SLC5A12: variants seen among roughly 807,000 people sequenced by gnomAD.
The protein encoded by SLC5A12 is solute carrier family 5 member 12, also known as sodium-coupled monocarboxylate transporter 2.
In SLC5A12, 46 loss-of-function variants were observed where a neutral mutation model predicts 72.7. That is an observed-to-expected ratio of 0.63 (90% CI 0.50 to 0.81). The LOEUF (loss-of-function observed/expected upper bound fraction) is 0.81. Among genes scored for constraint, SLC5A12 ranks in the 30% least tolerant of loss-of-function variants. SLC5A12 has a pLI of 0.00. For synonymous variants in SLC5A12, 275 were observed against 264.4 expected (o/e 1.04, Z -0.39); for missense variants, 683 against 740.7 (o/e 0.92, Z 0.90).
At chr11:26,690,659 A>C (rs1285916444) in intron 9 of SLC5A12, among the ~76,000 whole-genome samples, 1 of 149,868 alleles carries the variant, frequency 6.7e-6, no homozygotes, top group East Asian at 1.9e-4. Flanking sequence ...AAAAAAAAAA[A>C]AAAAAAAAAT....
At chr11:26,675,161 G>C in intron 13 of SLC5A12, among the ~76,000 whole-genome samples, 1 of 152,236 alleles carries the variant, frequency 6.6e-6, no homozygotes, top group Non-Finnish European at 1.5e-5. Flanking sequence ...GTCTCTGAAT[G>C]AACCACAAAA....
chr11:26,671,208 G>T lies in SLC5A12; in HGVS notation c.1751C>A (p.Ser584Tyr). 1 of 1,608,094 alleles carries T rather than the reference G, an allele frequency of 6.2e-7. No homozygotes were observed. Among genetic ancestry groups the T allele is most frequent in the Non-Finnish European group, 8.5e-7 (1 of 1,177,286 alleles). Residue 584 changes from serine (S) to tyrosine (Y), a missense_variant, in exon 15 of 15, where the codon TCT becomes TAT. Physicochemically the swap from Ser to Tyr is moderately radical, Grantham distance 144 (BLOSUM62 -2). Transcript: ENST00000396005. ...NGSARKQGAESVLQNGLRRES... is the reference protein window; with the variant it reads ...NGSARKQGAEYVLQNGLRRES... ...TCTTCTGAGTCCGTTCTGTAAGACA[G>T]ATTCAGCCCCCTGTTTCCGGGCACT... is the stretch of plus-strand genomic sequence containing the variant.
chr11:26,681,233 A>G lies in SLC5A12; in HGVS notation c.1309-12T>C, dbSNP rs1490411642. The G allele has an allele frequency of 2.6e-6, 4 of 1,558,414 alleles. No homozygotes were observed. Among genetic ancestry groups the G allele is most frequent in the Non-Finnish European group, 3.5e-6 (4 of 1,153,920 alleles). On this transcript the variant is annotated splice_polypyrimidine_tract_variant and intron_variant, in intron 11 of 14. Coordinates refer to ENST00000396005, the MANE Select transcript of SLC5A12 (RefSeq NM_178498.4). ...CCTCCTAGTGCACCCTGGATGAAGA[A>G]GAAAAAGGTTAATGGGAAATTTGGC...
chr11:26,707,018 C>G (rs940248613), intron 4 of SLC5A12, among the ~76,000 whole-genome samples: 8 of 151,814 alleles, frequency 5.3e-5, no homozygotes, highest in African/African-American at 1.9e-4. Flanking sequence ...AGTATCTCCT[C>G]TAGATTTTTC....
At chr11:26,681,349 A>G in intron 11 of SLC5A12, 128 bp from the exon 12 acceptor site, 1 of 718,804 alleles carries the variant, frequency 1.4e-6, no homozygotes, top group South Asian at 3.2e-5. Flanking sequence ...CATATTTCAG[A>G]AACACTCTGC....
intron 13 of SLC5A12, among the ~76,000 whole-genome samples, chr11:26,674,003 T>C (rs1040401781): frequency 2.0e-5 from 3 of 152,130 alleles, no homozygotes; most frequent in African/African-American, 7.2e-5. Context: ...TACCCTCATG[T>C]TCCTCCCAGG....
intron 6 of SLC5A12, 21 bp downstream of exon 6, chr11:26,703,510 T>A (rs906273139): frequency 5.0e-6 from 8 of 1,610,860 alleles, no homozygotes; most frequent in Non-Finnish European, 6.8e-6. Context: ...ACATTAAAAT[T>A]TTTCTTGACT....
chr11:26,714,606 T>C (rs1342108081), intron 1 of SLC5A12, among the ~76,000 whole-genome samples: 1 of 152,190 alleles, frequency 6.6e-6, no homozygotes, highest in East Asian at 1.9e-4. Context: ...ATCAATTGGC[T>C]TGAGGATTAA....
At chr11:26,711,563 T>C (rs1209196979) in intron 2 of SLC5A12, among the ~76,000 whole-genome samples, 1 of 151,958 alleles carries the variant, frequency 6.6e-6, no homozygotes. Context: ...AGGAAGAGAG[T>C]TGGATTTTCA....
chr11:26,722,498 C>A (rs1855501569), upstream of SLC5A12, among the ~76,000 whole-genome samples: 1 of 152,132 alleles, frequency 6.6e-6, no homozygotes, highest in South Asian at 2.1e-4. Flanking sequence ...ATAATATGTA[C>A]CCCATTGGCT....
At chr11:26,723,072 A>G (rs1426395572), upstream of SLC5A12, among the ~76,000 whole-genome samples, 5 of 152,018 alleles carry the variant, frequency 3.3e-5, no homozygotes, top group Non-Finnish European at 7.4e-5. Flanking sequence ...GCTCTAGTCC[A>G]TATACCCAAT....
At chr11:26,697,926 T>C (rs1025636913) in intron 7 of SLC5A12, among the ~76,000 whole-genome samples, 3 of 128,672 alleles carry the variant, frequency 2.3e-5, no homozygotes, top group Admixed American at 1.9e-4. Flanking sequence ...AGACGGAGTC[T>C]CACTCTTGTC....
rs1854123195 is a variant in SLC5A12 at position 26,670,878 on chromosome 11, A to T, written c.*224T>A. 5.4e-6 allele frequency: 2 copies of T among 372,628 alleles called. No individual in the cohort carries two copies. The highest frequency in any genetic ancestry group is 8.3e-5 in the East Asian group (2 of 23,962). 23.1% of individuals were successfully genotyped at this position (372,628 alleles called of 1,614,324 possible). A position where few individuals can be genotyped will look rare whatever the true frequency, so the allele number is the denominator to read the frequency against. ...GAAGGAAGTAGTCAAGGGCATTTGG[A>T]GCAGGTTGGTTTTTCTCTGTGAAAG... On this transcript the variant is annotated 3_prime_UTR_variant, in exon 15 of 15. Coordinates refer to ENST00000396005, the MANE Select transcript of SLC5A12 (RefSeq NM_178498.4).
At chr11:26,713,898 G>A (rs1855288807) in intron 1 of SLC5A12, among the ~76,000 whole-genome samples, 1 of 152,060 alleles carries the variant, frequency 6.6e-6, no homozygotes, top group African/African-American at 2.4e-5. Context: ...GTGGCTGCTG[G>A]CAGTCCTTAG....
chr11:26,669,187 T>TTTTCTTTTTCTTTCTTTCGTTCTTTC lies in SLC5A12; in HGVS notation c.*1914_*1915insGAAAGAACGAAAGAAAGAAAAAGAAA, dbSNP rs1554988602. On this transcript the variant is annotated 3_prime_UTR_variant, in exon 15 of 15. Transcript: ENST00000396005. Reference sequence around the variant, plus strand: ...TGTCTTTTTCTTTCTTTCTTTCTTCTTTTCTTTCTTTCTTTCTTTCTTTCT... The same window carrying TTTTCTTTTTCTTTCTTTCGTTCTTTC: ...TGTCTTTTTCTTTCTTTCTTTCTTCTTTTCTTTTTCTTTCTTTCGTTCTTTCTTTCTTTCTTTCTTTCTTTCTTTCT... 1 of 110,942 alleles carries TTTTCTTTTTCTTTCTTTCGTTCTTTC rather than the reference T, an allele frequency of 9.0e-6. No homozygotes were observed. The highest frequency in any genetic ancestry group is 3.0e-4 in the East Asian group (1 of 3,296). 6.9% of individuals were successfully genotyped at this position (110,942 alleles called of 1,614,324 possible).
chr11:26,681,269 A>C, intron 11 of SLC5A12, 48 bp from the exon 12 acceptor site: 5 of 1,459,796 alleles, frequency 3.4e-6, no homozygotes, highest in Non-Finnish European at 4.6e-6. Context: ...AAAGCTGTCT[A>C]TGGAAAGAAT....
chr11:26,680,691 C>T (rs574769435), intron 12 of SLC5A12, among the ~76,000 whole-genome samples: 1 of 152,184 alleles, frequency 6.6e-6, no homozygotes, highest in African/African-American at 2.4e-5. Context: ...CCTAACTCAG[C>T]TTGCCCATAA....
At chr11:26,686,615 C>A in intron 9 of SLC5A12, 71 bp from the exon 10 acceptor site, 2 of 1,342,548 alleles carry the variant, frequency 1.5e-6, no homozygotes, top group East Asian at 2.3e-5. Flanking sequence ...CTTGAGCCCC[C>A]ACTCAGAACT....
At chr11:26,719,452 A>G (rs1442347912) in intron 1 of SLC5A12, among the ~76,000 whole-genome samples, 1 of 152,108 alleles carries the variant, frequency 6.6e-6, no homozygotes, top group African/African-American at 2.4e-5. Flanking sequence ...ATATCCTACA[A>G]ATATCCCAAG....
Sources: allele counts gnomAD v4.1 joint callset (sites outside exome capture counted in the v4.1 genomes callset), GRCh38; gene constraint gnomAD v4.1.1; transcripts MANE v1.5; gene names NCBI Gene and HGNC (gene_info 2026-07-23, HGNC 2026-07-21).